The following DRP2 variants were observed in gnomAD, a reference collection of about 807,000 sequenced individuals.
DRP2 encodes the protein dystrophin-related protein 2.
In DRP2, 29 loss-of-function variants were observed where a neutral mutation model predicts 78.2. The ratio of observed to expected loss-of-function variants is 0.37; its 90% confidence interval spans 0.28 to 0.51. DRP2 has a LOEUF of 0.51. Among genes scored for constraint, DRP2 ranks in the 20% least tolerant of loss-of-function variants. The probability of loss-of-function intolerance (pLI) is 0.94; values close to 1 mark genes in which losing one functional copy is unlikely to be tolerated. For synonymous variants in DRP2, 290 were observed against 281.9 expected, an observed-to-expected ratio of 1.03 and a Z score of -0.29; for missense variants, 686 against 770.6, an observed-to-expected ratio of 0.89 and a Z score of 1.30.
chrX:101,224,333 G>A (rs1313072474), intron 1 of DRP2, among the ~76,000 whole-genome samples: 1 of 94,982 alleles, frequency 1.1e-5, no homozygotes, highest in African/African-American at 3.9e-5. Flanking sequence ...GCAGTGAGCC[G>A]AGATCATGCC....
intron 15 of DRP2, 151 bp from the exon 16 acceptor site, chrX:101,250,766 C>G: frequency 1.1e-6 from 1 of 916,790 alleles, no homozygotes; most frequent in Non-Finnish European, 1.5e-6. Flanking sequence ...GGGAGGGTGT[C>G]AGCTCAACTA....
At chrX:101,245,363 GTA>G in intron 10 of DRP2, 23 bp from the exon 11 acceptor site, 1 of 1,187,082 alleles carries the variant, frequency 8.4e-7, no homozygotes, top group Non-Finnish European at 1.1e-6. Context: ...ATAGATGCTG[GTA>G]CTATTGATGC....
chrX:101,244,980 G>A (rs1270233678), intron 9 of DRP2, 37 bp from the exon 10 acceptor site: 2 of 1,181,050 alleles, frequency 1.7e-6, no homozygotes, highest in Admixed American at 2.2e-5. Flanking sequence ...GAGCATTAGT[G>A]GCCAGCTTTT....
chrX:101,250,342 T>G, intron 14 of DRP2, 81 bp from the exon 15 acceptor site: 1 of 1,171,835 alleles, frequency 8.5e-7, no homozygotes, highest in Non-Finnish European at 1.2e-6. Flanking sequence ...TTTCCCTATT[T>G]TCCTTTTCTG....
chrX:101,240,125 A>G (rs191128554), intron 6 of DRP2, among the ~76,000 whole-genome samples: 144 of 112,939 alleles, frequency 1.3e-3, no homozygotes, highest in Non-Finnish European at 1.6e-3. Context: ...ATCGAGGGAC[A>G]TGCAAACCAG....
At chrX:101,239,452 C>T (rs1399622041) in intron 6 of DRP2, among the ~76,000 whole-genome samples, 2 of 112,146 alleles carry the variant, frequency 1.8e-5, no homozygotes, top group East Asian at 2.8e-4. Flanking sequence ...CCTTTAAAAA[C>T]ATAGTGCTGG....
rs1373767417 is a variant in DRP2, at chrX:101,242,412, T to A, written c.916T>A (p.Leu306Met). The A allele has an allele frequency of 3.3e-6, 4 of 1,211,525 alleles. No individual in the cohort carries two copies. The highest frequency in any genetic ancestry group is 4.5e-6 in the Non-Finnish European group (4 of 895,463). The change falls in exon 8 of 24, where the codon TTG becomes ATG. Residue 306 changes from leucine to methionine, a missense_variant. By Grantham distance (15) the Leu-to-Met change is conservative. This residue lies in a region of DRP2 where 263 missense variants were observed against 239.1 expected (regional missense o/e 1.10). Transcript: ENST00000395209. Reference sequence around the variant, plus strand: ...CCAACTTGCCATTTCTGATGTGCACTTGTCAATGGAGAATTCCCAGGCCCT... The same window carrying A: ...CCAACTTGCCATTTCTGATGTGCACATGTCAATGGAGAATTCCCAGGCCCT... ...AHQLAISDVHLSMENSQALEQ... is the reference protein window; with the variant it reads ...AHQLAISDVHMSMENSQALEQ...
intron 12 of DRP2, 33 bp from the exon 13 acceptor site, chrX:101,248,056 T>C: frequency 8.4e-7 from 1 of 1,186,509 alleles, no homozygotes; most frequent in Non-Finnish European, 1.1e-6. Context: ...CTTTTGGCTA[T>C]ATTTTTTTTC....
chrX:101,242,066 T>A, intron 7 of DRP2, 130 bp downstream of exon 7: 1 of 887,552 alleles, frequency 1.1e-6, no homozygotes, highest in Non-Finnish European at 1.5e-6. Flanking sequence ...TCAGTTTATG[T>A]GCTAGATTTG....
chrX:101,242,585 A>G, intron 8 of DRP2, 114 bp downstream of exon 8: 4 of 952,364 alleles, frequency 4.2e-6, no homozygotes, highest in Non-Finnish European at 5.8e-6. Context: ...AGGAGTGGAG[A>G]ATGTGGAGCT....
At chrX:101,224,191 G>GTTTTTTTTTTTTTTTTTTTTTTTTT (rs1167730116) in intron 1 of DRP2, among the ~76,000 whole-genome samples, 2 of 38,882 alleles carry the variant, frequency 5.1e-5, no homozygotes, top group South Asian at 2.7e-3. Flanking sequence ...GGTTTTTTTT[G>GTTTTTTTTTTTTTTTTTTTTTTTTT]TTTTTTTTTT....
chrX:101,225,650 T>C (rs1378838352), intron 2 of DRP2, among the ~76,000 whole-genome samples: 2 of 111,844 alleles, frequency 1.8e-5, no homozygotes, highest in Non-Finnish European at 3.8e-5. Context: ...CACACCAATC[T>C]TTCCATAAAA....
In DRP2 at chrX:101,254,549, A is replaced by T; in HGVS notation, c.2102A>T (p.Asp701Val). ...CCTGTGCAATCAGTGCTGGAGGCTG[A>T]CTACAGTGAGACGTGAGTACTGGTG... Reference protein sequence around the residue: ...YLPVQSVLEADYSETPASSPM... With the variant: ...YLPVQSVLEAVYSETPASSPM... Residue 701 changes from aspartate (D) to valine (V), a missense_variant, in exon 18 of 24, where the codon GAC becomes GTC. Coordinates refer to ENST00000395209, the MANE Select transcript of DRP2 (RefSeq NM_001939.3). 1.6e-6 allele frequency: 2 copies of T among 1,212,138 alleles called. No homozygotes were observed. Among genetic ancestry groups the T allele is most frequent in the East Asian group, 5.9e-5 (2 of 33,850 alleles).
intron 1 of DRP2, among the ~76,000 whole-genome samples, chrX:101,224,191 G>GTTTTGTTTTGTTTT (rs1922007763): frequency 2.6e-4 from 10 of 38,882 alleles, no homozygotes; most frequent in South Asian, 2.7e-3. Context: ...GGTTTTTTTT[G>GTTTTGTTTTGTTTT]TTTTTTTTTT....
Position 101,242,338 on chromosome X carries a change from A to C in DRP2, c.842A>C (p.Glu281Ala). The C allele has an allele frequency of 8.3e-7, 1 of 1,210,571 alleles. No individual in the cohort carries two copies. The highest frequency in any genetic ancestry group is 1.1e-6 in the Non-Finnish European group (1 of 895,215). Residue 281 changes from glutamate (E) to alanine (A), a missense_variant, in exon 8 of 24, where the codon GAA becomes GCA. By Grantham distance (107) the Glu-to-Ala change is moderately radical. Transcript: ENST00000395209. ...CTGGTTCTCCAGCTGTTCAAAGAAG[A>C]ATTCTCCCCCATGAAAGATGGAGTA... ...HIQAIKLFKE[E>A]FSPMKDGVKL...
At chrX:101,249,785 GGGATGT>G (rs1317947546) in intron 14 of DRP2, among the ~76,000 whole-genome samples, 2 of 111,776 alleles carry the variant, frequency 1.8e-5, no homozygotes, top group African/African-American at 3.3e-5. Context: ...AGGCTGAATT[GGGATGT>G]GGAAGGGAAC....
intron 22 of DRP2, 106 bp from the exon 23 acceptor site, chrX:101,259,943 G>T: frequency 1.9e-6 from 2 of 1,043,034 alleles, no homozygotes; most frequent in Middle Eastern, 2.7e-4. Flanking sequence ...AAGTCTAAGG[G>T]TAAAGGGATG....
Position 101,231,850 on chromosome X carries a change from C to T in DRP2, c.117+86C>T, listed in dbSNP as rs896369205. ...CTTGGGGTACCCACGCTTCCTAAGG[C>T]TCAGGGGCACTCTCTGTATACATGC... On this transcript the variant is annotated intron_variant, in intron 3 of 23. Transcript: ENST00000395209. 4 of 759,836 alleles carry T rather than the reference C, an allele frequency of 5.3e-6. No homozygotes were observed. In the African/African-American group the frequency reaches 8.4e-5, roughly 16 times the overall value. The allele number at this position is 759,836 out of a possible 1,213,427, so 62.6% of individuals were successfully genotyped here. A position where few individuals can be genotyped will look rare whatever the true frequency, so the allele number is the denominator to read the frequency against.
rs754780712 is a variant in DRP2, at chrX:101,227,687, A to G, written c.-64+2981A>G. On this transcript the variant is annotated intron_variant, in intron 2 of 23. Coordinates refer to ENST00000395209, the MANE Select transcript of DRP2 (RefSeq NM_001939.3). The stretch of plus-strand genomic sequence containing the variant: ...GATACATTAGCAAACTAAGGCCTAG[A>G]GAGGCAATATGACTTGAGGTCACAG... Among the ~76,000 whole-genome samples, 3 of 112,431 alleles carry G rather than the reference A, an allele frequency of 2.7e-5. No homozygotes were observed. The South Asian group carries it at 1.1e-3, about 42-fold the overall frequency.
Sources: allele counts gnomAD v4.1 joint callset (sites outside exome capture counted in the v4.1 genomes callset), GRCh38; gene constraint gnomAD v4.1.1; regional missense constraint gnomAD v4.1.1; transcripts MANE v1.5; gene names NCBI Gene and HGNC (gene_info 2026-07-23, HGNC 2026-07-21).